The following SSBP3 variants were observed in gnomAD, a reference collection of about 807,000 sequenced individuals.
The protein encoded by SSBP3 is single stranded DNA binding protein 3.
SSBP3 carries 5 observed loss-of-function variants against 69.6 expected under a neutral mutation model. That is an observed-to-expected ratio of 0.07 (90% confidence interval 0.04 to 0.15). The LOEUF is 0.15. SSBP3 is among the 10% of genes least tolerant of loss of function. The pLI is 1.00. For synonymous variants in SSBP3, 196 were observed against 193.4 expected (o/e 1.01, Z -0.11); for missense variants, 312 against 534.0 (o/e 0.58, Z 4.10).
chr1:54,343,000 GGACACTTTGA>G (rs1485104286), intron 4 of SSBP3, among the ~76,000 whole-genome samples: 1 of 152,130 alleles, frequency 6.6e-6, no homozygotes, highest in Non-Finnish European at 1.5e-5. Context: ...ACGCCAGCCG[GGACACTTTGA>G]GAACCCGGCC....
chr1:54,390,375 G>C (rs1296339729), intron 4 of SSBP3, among the ~76,000 whole-genome samples: 3 of 152,078 alleles, frequency 2.0e-5, no homozygotes, highest in Non-Finnish European at 4.4e-5. Flanking sequence ...CAAACATCCT[G>C]ATTTCCTCCT....
rs570218832 is a variant in SSBP3, at chr1:54,336,145, C to T, written c.277-54618G>A. ...ACTCTGGATTCTTAGCCAGGGACTT[C>T]TGTACCTCTGATGGGCATAACTTCT... is the stretch of plus-strand genomic sequence containing the variant. On this transcript the variant is annotated intron_variant, in intron 4 of 17. Coordinates refer to ENST00000610401, the Ensembl canonical transcript of SSBP3. Among the ~76,000 whole-genome samples the T allele has an allele frequency of 9.3e-4, 142 of 152,374 alleles. 1 individual carries two copies. The highest frequency in any genetic ancestry group is 2.4e-3 in the African/African-American group (100 of 41,596).
intron 14 of SSBP3, chr1:54,238,526 A>G (rs953812737): frequency 2.2e-5 from 8 of 368,132 alleles, no homozygotes; most frequent in Non-Finnish European, 4.5e-5. Flanking sequence ...GCAGCTGACT[A>G]ACCAAGTCCC....
upstream of SSBP3, among the ~76,000 whole-genome samples, chr1:54,408,878 G>A (rs765386711): frequency 2.0e-5 from 3 of 152,194 alleles, no homozygotes. Context: ...CAACAAAGCT[G>A]CACGATGGTT....
intron 9 of SSBP3, among the ~76,000 whole-genome samples, chr1:54,245,729 G>A (rs1644723616): frequency 1.3e-5 from 2 of 152,372 alleles, no homozygotes; most frequent in South Asian, 4.1e-4. Flanking sequence ...TGGCAGCCTT[G>A]TGGGAATGTG....
intron 4 of SSBP3, among the ~76,000 whole-genome samples, chr1:54,306,610 A>G (rs931525758): frequency 6.6e-6 from 1 of 152,156 alleles, no homozygotes; most frequent in African/African-American, 2.4e-5. Context: ...AAAGAAGATA[A>G]TAATACTAAA....
At chr1:54,237,937 T>C (rs894424899) in intron 14 of SSBP3, 4 of 360,336 alleles carry the variant, frequency 1.1e-5, no homozygotes, top group African/African-American at 2.1e-5. Flanking sequence ...TCGAGGCAGA[T>C]CATCCACGCC....
rs757528841 is a variant in SSBP3 at position 54,228,845 on chromosome 1, G to T, written c.928-19C>A. The T allele has an allele frequency of 5.0e-6, 8 of 1,609,378 alleles. No homozygotes were observed. Among genetic ancestry groups the T allele is most frequent in the Non-Finnish European group, 6.8e-6 (8 of 1,178,690 alleles). On this transcript the variant is annotated intron_variant, in intron 14 of 17. Coordinates refer to ENST00000610401, the Ensembl canonical transcript of SSBP3. ...TCGGGAACTGGGGAAGAAGCACAGG[G>T]CATGGCAGCTCAGCGGGCCCTGGCC...
At chr1:54,259,702 C>T (rs1470659043) in intron 5 of SSBP3, among the ~76,000 whole-genome samples, 3 of 152,192 alleles carry the variant, frequency 2.0e-5, no homozygotes, top group African/African-American at 7.2e-5. Flanking sequence ...GGGGCGTGGG[C>T]CCACAGAGAA....
intron 4 of SSBP3, among the ~76,000 whole-genome samples, chr1:54,338,973 T>G (rs1266761446): frequency 6.6e-6 from 1 of 152,164 alleles, no homozygotes; most frequent in Non-Finnish European, 1.5e-5. Flanking sequence ...AAGCTAGTCT[T>G]CTAAACACAC....
intron 4 of SSBP3, among the ~76,000 whole-genome samples, chr1:54,350,807 G>C (rs1646769677): frequency 6.6e-6 from 1 of 152,022 alleles, no homozygotes; most frequent in Non-Finnish European, 1.5e-5. Context: ...TCAAGAGTCT[G>C]GACACAGAAA....
intron 4 of SSBP3, among the ~76,000 whole-genome samples, chr1:54,357,688 G>A (rs1646890281): frequency 2.0e-5 from 3 of 152,224 alleles, no homozygotes; most frequent in Non-Finnish European, 2.9e-5. Flanking sequence ...GATCACTTGA[G>A]CCCAGGAGTT....
At chr1:54,344,642 G>C (rs1158853049) in intron 4 of SSBP3, among the ~76,000 whole-genome samples, 1 of 152,116 alleles carries the variant, frequency 6.6e-6, no homozygotes, top group African/African-American at 2.4e-5. Flanking sequence ...GGAAAGAATT[G>C]GGGGAAACAT....
intron 4 of SSBP3, among the ~76,000 whole-genome samples, chr1:54,364,256 T>C (rs1646994269): frequency 6.6e-6 from 1 of 152,238 alleles, no homozygotes; most frequent in Non-Finnish European, 1.5e-5. Flanking sequence ...CCACAAAGCC[T>C]GAAATATTTA....
chr1:54,405,249 T>C (rs1649636575), intron 1 of SSBP3, among the ~76,000 whole-genome samples: 1 of 152,134 alleles, frequency 6.6e-6, no homozygotes, highest in South Asian at 2.1e-4. Flanking sequence ...ACCTTGCCTT[T>C]CCCGACCCAC....
chr1:54,289,121 A>G (rs1028418694), intron 4 of SSBP3, among the ~76,000 whole-genome samples: 1 of 151,934 alleles, frequency 6.6e-6, no homozygotes, highest in East Asian at 1.9e-4. Context: ...ACTCTTATGA[A>G]AAGAAATAGC....
intron 4 of SSBP3, among the ~76,000 whole-genome samples, chr1:54,386,589 G>A (rs1426775938): frequency 1.3e-5 from 2 of 151,308 alleles, no homozygotes; most frequent in Non-Finnish European, 2.9e-5. Context: ...AAAACAAAGT[G>A]GGAAGAAGGA....
chr1:54,233,503 C>T (rs1260028569), intron 14 of SSBP3, among the ~76,000 whole-genome samples: 1 of 149,780 alleles, frequency 6.7e-6, no homozygotes, highest in Admixed American at 6.6e-5. Flanking sequence ...GGTCAGCCCC[C>T]CGCCCGGCCA....
chr1:54,318,591 A>C (rs1646156750), intron 4 of SSBP3, among the ~76,000 whole-genome samples: 1 of 152,158 alleles, frequency 6.6e-6, no homozygotes, highest in African/African-American at 2.4e-5. Context: ...CTTTCCAAGC[A>C]GCTCTCTGCC....
Sources: gnomAD v4.1 joint callset for allele counts (sites outside exome capture counted in the v4.1 genomes callset) on GRCh38, gnomAD v4.1.1 for gene constraint, MANE v1.5 for transcripts, NCBI Gene and HGNC (gene_info 2026-07-23, HGNC 2026-07-21) for gene names.